Variants in ARHGAP6 observed in about 807,000 individuals in gnomAD.
ARHGAP6 encodes the protein Rho GTPase activating protein 6.
In ARHGAP6, 16 loss-of-function variants were observed where a neutral mutation model predicts 55.7. The ratio of observed to expected loss-of-function variants is 0.29; its 90% CI spans 0.19 to 0.44. ARHGAP6 has a LOEUF of 0.44. ARHGAP6 is among the 20% of genes least tolerant of loss of function. The probability of loss-of-function intolerance (pLI) is 1.00; values close to 1 mark genes in which losing one functional copy is unlikely to be tolerated. For synonymous variants in ARHGAP6, 382 were observed against 360.9 expected (o/e 1.06, Z -0.66); for missense variants, 698 against 808.9 (o/e 0.86, Z 1.66).
chrX:11,354,334 T>TATAC (rs2048907357), intron 1 of ARHGAP6, among the ~76,000 whole-genome samples: 1 of 81,641 alleles, frequency 1.2e-5, no homozygotes, highest in Non-Finnish European at 2.4e-5. Context: ...TCTCTATATA[T>TATAC]ATATATATAT....
At chrX:11,660,548 A>C (rs868163781) in intron 1 of ARHGAP6, among the ~76,000 whole-genome samples, 976 of 42,372 alleles carry the variant, frequency 0.023, 35 homozygotes, top group African/African-American at 0.031. Context: ...AAAAAAAAAA[A>C]AAAAAAAAAA....
In ARHGAP6 at chrX:11,139,318, C is replaced by A; in HGVS notation, c.2470G>T (p.Val824Phe). 3 of 1,182,787 alleles carry A rather than the reference C, an allele frequency of 2.5e-6. No individual in the cohort carries two copies. The highest frequency in any genetic ancestry group is 3.4e-6 in the Non-Finnish European group (3 of 881,993). ...AVSRACSTPH[V>F]QVAGKAERPT... ...CGCTCGGCTTTCCCTGCCACCTGGA[C>A]GTGGGGCGTGCTGCAGGCGCGCGAC... The change falls in exon 13 of 13, where the codon GTC becomes TTC. Residue 824 changes from valine to phenylalanine, a missense_variant. Val to Phe is a conservative substitution (Grantham distance 50). Around this residue, in one of 3 missense-constraint regions of ARHGAP6, gnomAD observed 212 missense variants for 208.7 expected, o/e 1.02. Coordinates refer to ENST00000337414, the MANE Select transcript of ARHGAP6 (RefSeq NM_013427.3).
intron 1 of ARHGAP6, among the ~76,000 whole-genome samples, chrX:11,466,438 AC>A (rs1300371019): frequency 9.9e-5 from 11 of 110,823 alleles, no homozygotes; most frequent in African/African-American, 3.6e-4. Flanking sequence ...AAAAAAAAAA[AC>A]TATTACCACA....
At chrX:11,378,075 G>A (rs1027247681) in intron 1 of ARHGAP6, among the ~76,000 whole-genome samples, 3 of 111,696 alleles carry the variant, frequency 2.7e-5, no homozygotes, top group African/African-American at 6.5e-5. Flanking sequence ...CCAATGGTTC[G>A]CTGCGTATAG....
chrX:11,656,387 G>A lies in ARHGAP6; in HGVS notation c.588+7854C>T, dbSNP rs149189724. On this transcript the variant is annotated intron_variant, in intron 1 of 12. Transcript: ENST00000337414. ...TTGTATCAGTTTCCTATCGCTGCTC[G>A]AAATTACCACAAATTTTGTAGCATA... Among the ~76,000 whole-genome samples, 30 of 112,165 alleles carry A rather than the reference G, an allele frequency of 2.7e-4. No homozygotes were observed. In the East Asian group the frequency reaches 7.9e-3, roughly 29 times the overall value.
intron 1 of ARHGAP6, among the ~76,000 whole-genome samples, chrX:11,632,411 T>G (rs2052370432): frequency 8.9e-6 from 1 of 112,250 alleles, no homozygotes; most frequent in Non-Finnish European, 1.9e-5. Context: ...GGGTTACCAT[T>G]TATGTGACTT....
chrX:11,179,185 G>A (rs909362683), intron 7 of ARHGAP6, 117 bp downstream of exon 7: 1 of 731,558 alleles, frequency 1.4e-6, no homozygotes, highest in African/African-American at 2.2e-5. Flanking sequence ...TCACTCTTTA[G>A]AGATTGATAA....
intron 1 of ARHGAP6, among the ~76,000 whole-genome samples, chrX:11,564,072 T>C (rs1194425913): frequency 1.8e-5 from 2 of 111,586 alleles, no homozygotes; most frequent in Non-Finnish European, 3.8e-5. Context: ...AAAGTGCTTT[T>C]ATTCCAATGA....
intron 2 of ARHGAP6, among the ~76,000 whole-genome samples, chrX:11,222,756 TCTTA>T (rs1172540314): frequency 4.5e-5 from 5 of 112,176 alleles, no homozygotes; most frequent in Non-Finnish European, 9.4e-5. Flanking sequence ...CTTTTGATGG[TCTTA>T]CTTTTATGTG....
At chrX:11,641,438 C>T (rs769198031) in intron 1 of ARHGAP6, among the ~76,000 whole-genome samples, 28 of 111,683 alleles carry the variant, frequency 2.5e-4, no homozygotes, top group Non-Finnish European at 4.5e-4. Context: ...ATATTGACAA[C>T]GGTGGCTAGT....
intron 1 of ARHGAP6, among the ~76,000 whole-genome samples, chrX:11,368,415 A>T (rs2147704879): frequency 8.9e-6 from 1 of 112,149 alleles, no homozygotes; most frequent in African/African-American, 3.2e-5. Flanking sequence ...AATTTTCATT[A>T]TGGCCCATTT....
intron 1 of ARHGAP6, among the ~76,000 whole-genome samples, chrX:11,270,259 T>A (rs997188699): frequency 8.9e-6 from 1 of 111,827 alleles, no homozygotes; most frequent in African/African-American, 3.3e-5. Flanking sequence ...TTTATTCACT[T>A]CCTTGGAAGA....
chrX:11,612,327 C>G (rs903478532), intron 1 of ARHGAP6, among the ~76,000 whole-genome samples: 8 of 112,282 alleles, frequency 7.1e-5, no homozygotes, highest in Non-Finnish European at 1.1e-4. Context: ...CTTCCAATCT[C>G]AATTCTAAAT....
intron 1 of ARHGAP6, among the ~76,000 whole-genome samples, chrX:11,458,091 G>T (rs915938738): frequency 8.9e-6 from 1 of 111,767 alleles, no homozygotes; most frequent in African/African-American, 3.3e-5. Context: ...AAAATGGAAG[G>T]GAGTCATACT....
chrX:11,561,168 G>T (rs1223716545), intron 1 of ARHGAP6, among the ~76,000 whole-genome samples: 2 of 111,650 alleles, frequency 1.8e-5, no homozygotes, highest in Non-Finnish European at 3.8e-5. Context: ...CCAAAGTAAA[G>T]GATCCTAAGC....
chrX:11,514,478 C>T (rs963283618), intron 1 of ARHGAP6, among the ~76,000 whole-genome samples: 5 of 109,713 alleles, frequency 4.6e-5, no homozygotes, highest in Non-Finnish European at 9.5e-5. Context: ...TATCCCTGGC[C>T]GTGGCATCAG....
chrX:11,241,360 GA>G (rs1447012739), intron 2 of ARHGAP6, among the ~76,000 whole-genome samples: 1 of 111,046 alleles, frequency 9.0e-6, no homozygotes, highest in Non-Finnish European at 1.9e-5. Context: ...TTCTATTGGT[GA>G]AAAAGATGAG....
At chrX:11,606,469 T>C (rs2052037285) in intron 1 of ARHGAP6, among the ~76,000 whole-genome samples, 1 of 111,761 alleles carries the variant, frequency 8.9e-6, no homozygotes, top group Admixed American at 9.5e-5. Context: ...GAAGGCAAGG[T>C]TTGTCCATGC....
intron 1 of ARHGAP6, among the ~76,000 whole-genome samples, chrX:11,552,796 G>A (rs1270786297): frequency 9.4e-6 from 1 of 106,665 alleles, no homozygotes; most frequent in Non-Finnish European, 1.9e-5. Flanking sequence ...GAAGCAGAGA[G>A]TAGAATGGTG....
Sources: allele counts gnomAD v4.1 joint callset (sites outside exome capture counted in the v4.1 genomes callset), GRCh38; gene constraint gnomAD v4.1.1; regional missense constraint gnomAD v4.1.1; transcripts MANE v1.5; gene names NCBI Gene and HGNC (gene_info 2026-07-23, HGNC 2026-07-21).